BACE2: variants seen among roughly 807,000 people sequenced by gnomAD.
BACE2 encodes 56 kDa aspartic-like protease.
In BACE2, 17 loss-of-function variants were observed where a neutral mutation model predicts 46.2. The observed-to-expected ratio is 0.37, with a 90% CI of 0.25 to 0.55. The LOEUF (loss-of-function observed/expected upper bound fraction) is 0.55, where lower values mean the gene tolerates loss of function less well. Ranked by LOEUF, BACE2 falls within the 20% of genes least tolerant of loss-of-function variation. The pLI is 0.82. For synonymous variants in BACE2, 277 were observed against 295.9 expected, an observed-to-expected ratio of 0.94 and a Z score of 0.66; for missense variants, 595 against 698.1, an observed-to-expected ratio of 0.85 and a Z score of 1.66.
Position 41,245,999 on chromosome 21 carries a change from C to A in BACE2, c.920C>A (p.Thr307Lys). 1 of 1,611,254 alleles carries A rather than the reference C, an allele frequency of 6.2e-7. No individual in the cohort carries two copies. The highest frequency in any genetic ancestry group is 8.5e-7 in the Non-Finnish European group (1 of 1,178,846). ...AAGGCCATCGTGGACAGTGGCACCACGCTGCTGCGCCTGCCCCAGAAGGTG... is the reference window on the plus strand; with the variant it reads ...AAGGCCATCGTGGACAGTGGCACCAAGCTGCTGCGCCTGCCCCAGAAGGTG... ...ADKAIVDSGT[T>K]LLRLPQKVFD... The change falls in exon 6 of 9, where the codon ACG becomes AAG. Residue 307 changes from threonine (T) to lysine (K), a missense_variant. Physicochemically the swap from Thr to Lys is moderately conservative, Grantham distance 78. This residue lies in a region of BACE2 where 343 missense variants were observed against 419.4 expected (regional missense o/e 0.82). Transcript: ENST00000330333.
rs778035910 is a variant in BACE2 at position 41,210,604 on chromosome 21, G to A, written c.313-15662G>A. On this transcript the variant is annotated intron_variant, in intron 1 of 8. Coordinates refer to ENST00000330333, the MANE Select transcript of BACE2 (RefSeq NM_012105.5). ...CCGCCCACAGACGCAGACTGACCCCGTTCCACAGCCATGACTGCAGCTCGG... is the reference window on the plus strand; with the variant it reads ...CCGCCCACAGACGCAGACTGACCCCATTCCACAGCCATGACTGCAGCTCGG... Among the ~76,000 whole-genome samples, 14 of 152,148 alleles carry A rather than the reference G, an allele frequency of 9.2e-5. No individual in the cohort carries two copies. The East Asian group carries it at 1.3e-3, about 15-fold the overall frequency.
Position 41,194,470 on chromosome 21 carries a change from G to A in BACE2, c.312+25895G>A, listed in dbSNP as rs114371002. Among the ~76,000 whole-genome samples, 808 of 152,312 alleles carry A rather than the reference G, an allele frequency of 5.3e-3. 4 individuals are homozygous for A. Among genetic ancestry groups the A allele is most frequent in the African/African-American group, 0.018 (766 of 41,560 alleles). ...TTTGCAACAAAGGACACAGTTGTAG[G>A]CAGTGGATCCTAAATGGAGGTTTCC... is the stretch of plus-strand genomic sequence containing the variant. On this transcript the variant is annotated intron_variant, in intron 1 of 8. Coordinates refer to ENST00000330333, the MANE Select transcript of BACE2 (RefSeq NM_012105.5).
chr21:41,200,841 G>A (rs1180477791), intron 1 of BACE2, among the ~76,000 whole-genome samples: 4 of 152,194 alleles, frequency 2.6e-5, no homozygotes, highest in African/African-American at 7.2e-5. Context: ...CTTGATCTGA[G>A]ACTTCCGGCC....
At chr21:41,219,657 T>G (rs181268990) in intron 1 of BACE2, among the ~76,000 whole-genome samples, 36 of 152,340 alleles carry the variant, frequency 2.4e-4, no homozygotes, top group African/African-American at 8.2e-4. Context: ...TCACTTACTT[T>G]GACCTGTTAC....
intron 7 of BACE2, among the ~76,000 whole-genome samples, chr21:41,254,846 G>C (rs546895453): frequency 1.3e-5 from 2 of 152,344 alleles, no homozygotes; most frequent in Admixed American, 1.3e-4. Flanking sequence ...TCTTTTCACT[G>C]AGGAAATTGT....
At chr21:41,260,924 T>C (rs935969241) in intron 8 of BACE2, among the ~76,000 whole-genome samples, 1 of 152,190 alleles carries the variant, frequency 6.6e-6, no homozygotes, top group Non-Finnish European at 1.5e-5. Context: ...AGGAATGCTG[T>C]GGTAGTGTGT....
chr21:41,168,233 C>T lies in BACE2; in HGVS notation c.-31C>T, dbSNP rs1300762948. 3.6e-6 allele frequency: 4 copies of T among 1,124,958 alleles called. No homozygotes were observed. Among genetic ancestry groups the T allele is most frequent in the Non-Finnish European group, 4.4e-6 (4 of 918,722 alleles). 69.7% of individuals were successfully genotyped at this position (1,124,958 alleles called of 1,614,324 possible). A position where few individuals can be genotyped will look rare whatever the true frequency, so the allele number is the denominator to read the frequency against. The stretch of plus-strand genomic sequence containing the variant: ...GCCGGACGGGACGGGACCGGCTAGG[C>T]TGGGCGCGCCCCCCGGGCCCCGCCG... On this transcript the variant is annotated 5_prime_UTR_variant, in exon 1 of 9. Transcript: ENST00000330333.
At chr21:41,191,926 C>T (rs1985584306) in intron 1 of BACE2, among the ~76,000 whole-genome samples, 1 of 152,186 alleles carries the variant, frequency 6.6e-6, no homozygotes, top group Admixed American at 6.5e-5. Context: ...ATCCCTCTTC[C>T]CCAAATTTCT....
chr21:41,240,283 G>A (rs1568882199), intron 3 of BACE2, among the ~76,000 whole-genome samples: 1 of 152,204 alleles, frequency 6.6e-6, no homozygotes, highest in East Asian at 1.9e-4. Flanking sequence ...CACCTACTGG[G>A]CTTCTAACAC....
intron 8 of BACE2, among the ~76,000 whole-genome samples, chr21:41,258,738 T>C (rs1358084719): frequency 2.0e-5 from 3 of 152,260 alleles, no homozygotes; most frequent in African/African-American, 4.8e-5. Context: ...AGTGTATGTA[T>C]ATGACACATC....
chr21:41,180,230 A>C (rs754895894), intron 1 of BACE2: 1 of 194,250 alleles, frequency 5.1e-6, no homozygotes. Flanking sequence ...GGTGTGTCCT[A>C]TGGAAACTAG....
At chr21:41,210,635 G>C (rs902398486) in intron 1 of BACE2, among the ~76,000 whole-genome samples, 1 of 152,190 alleles carries the variant, frequency 6.6e-6, no homozygotes, top group Non-Finnish European at 1.5e-5. Context: ...CTCGGATTGG[G>C]CAGGAGACTG....
intron 1 of BACE2, among the ~76,000 whole-genome samples, chr21:41,221,956 C>G (rs1211802484): frequency 6.6e-6 from 1 of 152,006 alleles, no homozygotes; most frequent in Non-Finnish European, 1.5e-5. Flanking sequence ...GCTGGTGGGG[C>G]GGAGGCAGCA....
chr21:41,257,398 A>G (rs1987821173), intron 8 of BACE2, 72 bp downstream of exon 8: 7 of 1,511,210 alleles, frequency 4.6e-6, no homozygotes, highest in Non-Finnish European at 6.3e-6. Flanking sequence ...CTTGGAAGCA[A>G]TTCTTGATGG....
chr21:41,176,099 A>G (rs1984824695), intron 1 of BACE2: 1 of 152,182 alleles, frequency 6.6e-6, no homozygotes, highest in African/African-American at 2.4e-5. Flanking sequence ...TGAACAAGTG[A>G]CCTCAGATTC....
intron 1 of BACE2, among the ~76,000 whole-genome samples, chr21:41,207,350 C>T (rs557580987): frequency 5.3e-5 from 8 of 152,238 alleles, no homozygotes; most frequent in Admixed American, 2.6e-4. Flanking sequence ...CTCTTTTGTC[C>T]TTTTTAATAG....
intron 8 of BACE2, among the ~76,000 whole-genome samples, chr21:41,266,104 C>T (rs73368332): frequency 1.9e-3 from 287 of 152,154 alleles, no homozygotes; most frequent in African/African-American, 6.4e-3. Flanking sequence ...ATTGATATAT[C>T]TTATAGTATT....
chr21:41,226,028 G>T (rs1187662497), intron 1 of BACE2, among the ~76,000 whole-genome samples: 1 of 152,188 alleles, frequency 6.6e-6, no homozygotes, highest in Non-Finnish European at 1.5e-5. Context: ...CTCTTTTAAG[G>T]CTCAGTGTGT....
intron 1 of BACE2, among the ~76,000 whole-genome samples, chr21:41,191,677 G>A (rs1437086189): frequency 6.6e-6 from 1 of 152,168 alleles, no homozygotes; most frequent in African/African-American, 2.4e-5. Context: ...GTGAGTGGAA[G>A]TCCATGTTGC....
Sources: gnomAD v4.1 joint callset for allele counts (sites outside exome capture counted in the v4.1 genomes callset) on GRCh38, gnomAD v4.1.1 for gene constraint, gnomAD v4.1.1 regional missense constraint, MANE v1.5 for transcripts, NCBI Gene and HGNC (gene_info 2026-07-23, HGNC 2026-07-21) for gene names.